SH2D7: variants seen among roughly 807,000 people sequenced by gnomAD.
SH2D7 encodes SH2 domain containing 7, also known as SH2 domain-containing protein 7.
Under a neutral mutation model 40.8 loss-of-function variants are expected in SH2D7, and 32 were observed. The observed-to-expected ratio is 0.78, with a 90% CI of 0.59 to 1.05. The LOEUF (loss-of-function observed/expected upper bound fraction) is 1.05. Among genes scored for constraint, SH2D7 ranks in the 50% least tolerant of loss-of-function variants. SH2D7 has a pLI of 0.00. For synonymous variants in SH2D7, 195 were observed against 221.5 expected (o/e 0.88, Z 1.06); for missense variants, 559 against 566.6 (o/e 0.99, Z 0.14).
chr15:78,091,595 G>A (rs1467424213), upstream of SH2D7, among the ~76,000 whole-genome samples: 1 of 152,100 alleles, frequency 6.6e-6, no homozygotes, highest in Non-Finnish European at 1.5e-5. Flanking sequence ...ATTTCTGCTA[G>A]GAAACTCAGA....
At chr15:78,098,203 C>G (rs1023049750) in intron 3 of SH2D7, 109 bp downstream of exon 3, 14 of 1,441,312 alleles carry the variant, frequency 9.7e-6, no homozygotes, top group African/African-American at 1.4e-5. Flanking sequence ...TTACTATCAC[C>G]CAGGGGCACT....
rs763912806 is a variant in SH2D7 at position 78,101,308 on chromosome 15, A to G, written c.1055A>G (p.Glu352Gly). ...CAGGGCAGCTCTGCAGATATCTATG[A>G]GTTCATCGGGACAGAAGGCCTCCTG... Reference protein sequence around the residue: ...CSQGSSADIYEFIGTEGLLQE... With the variant: ...CSQGSSADIYGFIGTEGLLQE... The change falls in exon 5 of 6, where the codon GAG becomes GGG. Residue 352 changes from glutamate (E) to glycine (G), a missense_variant. Physicochemically the swap from Glu to Gly is moderately conservative, Grantham distance 98. Coordinates refer to ENST00000328828, the MANE Select transcript of SH2D7 (RefSeq NM_001101404.2). The G allele has an allele frequency of 6.2e-7, 1 of 1,613,046 alleles. No individual in the cohort carries two copies. Among genetic ancestry groups the G allele is most frequent in the South Asian group, 1.1e-5 (1 of 90,998 alleles).
chr15:78,095,091 C>T (rs1253308413), intron 2 of SH2D7, among the ~76,000 whole-genome samples: 4 of 152,234 alleles, frequency 2.6e-5, no homozygotes, highest in Admixed American at 2.0e-4. Flanking sequence ...TTACCTTGAG[C>T]AAGTTACTTT....
chr15:78,103,326 T>C, intron 5 of SH2D7, 139 bp from the exon 6 acceptor site: 2 of 899,044 alleles, frequency 2.2e-6, no homozygotes, highest in Non-Finnish European at 3.3e-6. Flanking sequence ...GCTTGTGGAA[T>C]CAACTATCAG....
chr15:78,096,768 T>G (rs1215027944), intron 2 of SH2D7, among the ~76,000 whole-genome samples: 1 of 152,146 alleles, frequency 6.6e-6, no homozygotes, highest in South Asian at 2.1e-4. Context: ...CTCAAAGTGC[T>G]GGGATTACAG....
upstream of SH2D7, among the ~76,000 whole-genome samples, chr15:78,090,479 G>A (rs972284374): frequency 5.3e-5 from 8 of 152,166 alleles, no homozygotes; most frequent in East Asian, 1.9e-4. Flanking sequence ...ATGTCCTTGC[G>A]TGTTCTCTAC....
chr15:78,097,533 T>C (rs2141871618), intron 2 of SH2D7, among the ~76,000 whole-genome samples: 1 of 152,338 alleles, frequency 6.6e-6, no homozygotes, highest in South Asian at 2.1e-4. Flanking sequence ...TTTGGTGTTT[T>C]GTTCATTGTG....
intron 3 of SH2D7, 80 bp from the exon 4 acceptor site, chr15:78,098,304 T>C: frequency 1.9e-6 from 3 of 1,540,470 alleles, no homozygotes; most frequent in Non-Finnish European, 2.7e-6. Context: ...TTGCAGTCTC[T>C]TACCAGCAGT....
intron 4 of SH2D7, among the ~76,000 whole-genome samples, 164 bp downstream of exon 4, chr15:78,098,760 C>G (rs939994857): frequency 1.3e-5 from 2 of 152,254 alleles, no homozygotes; most frequent in African/African-American, 4.8e-5. Flanking sequence ...CAGGGTTCAC[C>G]CGTGCCATGG....
chr15:78,097,990 T>G lies in SH2D7; in HGVS notation c.328T>G (p.Ser110Ala), dbSNP rs2073984470. The G allele has an allele frequency of 6.2e-7, 1 of 1,612,214 alleles. No individual in the cohort carries two copies. The highest frequency in any genetic ancestry group is 1.1e-5 in the South Asian group (1 of 90,738). ...NQLRNRRYIISGDTQSHSTLA... is the reference protein window; with the variant it reads ...NQLRNRRYIIAGDTQSHSTLA... ...GCTTCGAAACCGGCGTTACATCATC[T>G]CAGGAGACACCCAGAGCCACAGCAC... is the stretch of plus-strand genomic sequence containing the variant. The change falls in exon 3 of 6, where the codon TCA becomes GCA. Residue 110 changes from serine to alanine, a missense_variant. Ser to Ala is a moderately conservative substitution (Grantham distance 99, BLOSUM62 1). Transcript: ENST00000328828.
intron 5 of SH2D7, 21 bp downstream of exon 5, chr15:78,101,579 G>A (rs201967199): frequency 1.3e-6 from 2 of 1,547,074 alleles, no homozygotes; most frequent in East Asian, 2.3e-5. Flanking sequence ...TGATGGGGTG[G>A]GGCGGCTCCC....
chr15:78,091,476 G>A (rs2073940336), upstream of SH2D7, among the ~76,000 whole-genome samples: 2 of 152,170 alleles, frequency 1.3e-5, no homozygotes, highest in African/African-American at 4.8e-5. Flanking sequence ...GTCAGTCCCA[G>A]CTACTTGCCC....
chr15:78,095,962 C>T (rs1401741399), intron 2 of SH2D7, among the ~76,000 whole-genome samples: 1 of 152,114 alleles, frequency 6.6e-6, no homozygotes, highest in Non-Finnish European at 1.5e-5. Flanking sequence ...CCTGTCTCAG[C>T]CTCCCAACTA....
At chr15:78,097,453 C>A (rs966277779) in intron 2 of SH2D7, among the ~76,000 whole-genome samples, 11 of 152,132 alleles carry the variant, frequency 7.2e-5, no homozygotes, top group Admixed American at 1.3e-4. Context: ...TCCATCATTG[C>A]AGCAGGGTGG....
Position 78,098,532 on chromosome 15 carries a change from T to A in SH2D7, c.581T>A (p.Phe194Tyr). 1.2e-6 allele frequency: 2 copies of A among 1,613,946 alleles called. No homozygotes were observed. The highest frequency in any genetic ancestry group is 1.7e-6 in the Non-Finnish European group (2 of 1,179,870). Residue 194 changes from phenylalanine to tyrosine, a missense_variant, in exon 4 of 6, where the codon TTC becomes TAC. Phe to Tyr is a conservative substitution (Grantham distance 22, BLOSUM62 3). Transcript: ENST00000328828. The stretch of plus-strand genomic sequence containing the variant: ...TCTTCTCCAAAGCCCCAGGTCTCCT[T>A]CCTCCATGCACAGAAAAGCCTGGAT... ...PRSSPKPQVS[F>Y]LHAQKSLDVS...
intron 1 of SH2D7, among the ~76,000 whole-genome samples, 176 bp from the exon 2 acceptor site, chr15:78,093,936 T>A (rs1214134377): frequency 6.6e-6 from 1 of 152,168 alleles, no homozygotes; most frequent in African/African-American, 2.4e-5. Flanking sequence ...ATAGGCCACA[T>A]GCTGAACCCT....
intron 3 of SH2D7, 107 bp downstream of exon 3, chr15:78,098,201 A>G: frequency 7.0e-7 from 1 of 1,434,614 alleles, no homozygotes; most frequent in South Asian, 1.4e-5. Flanking sequence ...ATTTACTATC[A>G]CCCAGGGGCA....
intron 2 of SH2D7, among the ~76,000 whole-genome samples, chr15:78,097,001 G>C (rs1431244074): frequency 2.6e-5 from 4 of 152,170 alleles, no homozygotes; most frequent in East Asian, 3.9e-4. Context: ...TCTATCATCA[G>C]AATAGGTACA....
intron 2 of SH2D7, among the ~76,000 whole-genome samples, chr15:78,096,297 A>G (rs1418508322): frequency 6.6e-6 from 1 of 152,228 alleles, no homozygotes; most frequent in Non-Finnish European, 1.5e-5. Context: ...ATAAATAAGC[A>G]AAAATAGATA....
Sources: gnomAD v4.1 joint callset for allele counts (sites outside exome capture counted in the v4.1 genomes callset) on GRCh38, gnomAD v4.1.1 for gene constraint, MANE v1.5 for transcripts, NCBI Gene and HGNC (gene_info 2026-07-23, HGNC 2026-07-21) for gene names.